Variants in RAB3GAP1 observed in about 807,000 individuals in gnomAD.
RAB3GAP1 encodes the protein rab3 GTPase-activating protein catalytic subunit.
Under a neutral mutation model 130.7 loss-of-function variants are expected in RAB3GAP1, and 86 were observed. That is an observed-to-expected ratio of 0.66 (90% confidence interval 0.55 to 0.79). The LOEUF (loss-of-function observed/expected upper bound fraction) is 0.79, where lower values mean the gene tolerates loss of function less well. RAB3GAP1 is among the 30% of genes least tolerant of loss of function. RAB3GAP1 has a pLI of 0.00. For missense variants in RAB3GAP1, 1,029 were observed against 1,169.4 expected, an observed-to-expected ratio of 0.88 and a Z score of 1.75; for synonymous variants, 367 against 401.7, an observed-to-expected ratio of 0.91 and a Z score of 1.03.
In RAB3GAP1 at chr2:135,149,869, G is replaced by A. The variant is rs143870369; in HGVS notation, c.1924-500G>A. ...AGACAGGGTTTCACCGTGTTAGCCA[G>A]GATGGTCTCGATCTCCTGACCTCAT... On this transcript the variant is annotated intron_variant, in intron 17 of 23. Transcript: ENST00000264158. Among the ~76,000 whole-genome samples, 443 of 152,242 alleles carry A rather than the reference G, an allele frequency of 2.9e-3. 2 individuals carry two copies. Among genetic ancestry groups the A allele is most frequent in the African/African-American group, 0.01 (419 of 41,550 alleles).
At position 135,052,294 on chromosome 2, in the gene RAB3GAP1, C is replaced by T. The variant is rs775928638; in HGVS notation, c.-14C>T. 6.2e-6 allele frequency: 10 copies of T among 1,613,182 alleles called. No individual in the cohort carries two copies. ...TTCCCGGCAGCCTTAGCGCCAGGCC[C>T]GGCGCTCCTCAAGATGGCTGCCGAC... On this transcript the variant is annotated 5_prime_UTR_variant, in exon 1 of 24. Coordinates refer to ENST00000264158, the MANE Select transcript of RAB3GAP1 (RefSeq NM_012233.3).
rs186123631 is a variant in RAB3GAP1, at chr2:135,055,714, G to A, written c.75-2297G>A. 2.7e-3 allele frequency among the ~76,000 whole-genome samples: 410 copies of A among 149,458 alleles called. 1 individual carries two copies. Among genetic ancestry groups the A allele is most frequent in the African/African-American group, 8.9e-3 (363 of 40,654 alleles). ...AAAAAAAGACATTTCTTCTTTTACTGTAAAAACTATATTTTAAATAGTTTT... is the reference window on the plus strand; with the variant it reads ...AAAAAAAGACATTTCTTCTTTTACTATAAAAACTATATTTTAAATAGTTTT... On this transcript the variant is annotated intron_variant, in intron 2 of 23. Coordinates refer to ENST00000264158, the MANE Select transcript of RAB3GAP1 (RefSeq NM_012233.3).
chr2:135,101,997 C>G (rs762067108), intron 5 of RAB3GAP1, among the ~76,000 whole-genome samples: 10 of 152,086 alleles, frequency 6.6e-5, no homozygotes, highest in Admixed American at 3.3e-4. Flanking sequence ...GATAATGAAC[C>G]CTGCTAGCCC....
chr2:135,120,708 G>C (rs1691171378), intron 7 of RAB3GAP1, 111 bp from the exon 8 acceptor site: 6 of 819,794 alleles, frequency 7.3e-6, no homozygotes. Flanking sequence ...GAAAATCCAG[G>C]TTTCATAAAG....
At chr2:135,080,034 G>A (rs925544508) in intron 3 of RAB3GAP1, among the ~76,000 whole-genome samples, 1 of 150,088 alleles carries the variant, frequency 6.7e-6, no homozygotes, top group African/African-American at 2.5e-5. Flanking sequence ...GGAGAATGGC[G>A]TGAACCCGGA....
intron 5 of RAB3GAP1, among the ~76,000 whole-genome samples, chr2:135,107,614 A>G (rs1219932461): frequency 3.3e-5 from 5 of 152,220 alleles, no homozygotes; most frequent in African/African-American, 4.8e-5. Context: ...TAACTTTTTT[A>G]TACCATTTTT....
chr2:135,071,240 A>G (rs980052891), intron 3 of RAB3GAP1, among the ~76,000 whole-genome samples: 2 of 152,284 alleles, frequency 1.3e-5, no homozygotes, highest in East Asian at 1.9e-4. Context: ...AAATGCTCCA[A>G]AATTACCCAC....
chr2:135,170,449 A>T lies in RAB3GAP1; in HGVS notation c.*1668A>T, dbSNP rs2105011393. 6.6e-6 allele frequency: 1 copy of T among 152,270 alleles called. No homozygotes were observed. Among genetic ancestry groups the T allele is most frequent in the East Asian group, 1.9e-4 (1 of 5,182 alleles). The allele number at this position is 152,270 out of a possible 1,614,324, so 9.4% of individuals were successfully genotyped here. A position where few individuals can be genotyped will look rare whatever the true frequency, so the allele number is the denominator to read the frequency against. On this transcript the variant is annotated 3_prime_UTR_variant, in exon 24 of 24. Coordinates refer to ENST00000264158, the MANE Select transcript of RAB3GAP1 (RefSeq NM_012233.3). ...TTTTAAAGTACTCCATTTTATTTTT[A>T]TGATAGTTATGTATTTATTTCACAG...
chr2:135,081,713 A>G (rs1033569923), intron 3 of RAB3GAP1, among the ~76,000 whole-genome samples: 5 of 152,132 alleles, frequency 3.3e-5, no homozygotes, highest in African/African-American at 7.2e-5. Context: ...CCAGAAATAG[A>G]TGAAATGCTC....
chr2:135,053,598 G>A (rs1442200681), intron 2 of RAB3GAP1, among the ~76,000 whole-genome samples: 1 of 152,146 alleles, frequency 6.6e-6, no homozygotes, highest in Non-Finnish European at 1.5e-5. Context: ...GGTGGCACAG[G>A]AAAATATAAA....
chr2:135,170,117 C>T lies in RAB3GAP1; in HGVS notation c.*1336C>T. On this transcript the variant is annotated 3_prime_UTR_variant, in exon 24 of 24. Coordinates refer to ENST00000264158, the MANE Select transcript of RAB3GAP1 (RefSeq NM_012233.3). ...TGCTTTTCTCTATGCTGCTGGACTT[C>T]ATTCTTACTGGTCCACGCAGATGCA... 5.9e-6 allele frequency: 1 copy of T among 168,108 alleles called. No individual in the cohort carries two copies. The highest frequency in any genetic ancestry group is 6.1e-5 in the Admixed American group (1 of 16,266). The allele number at this position is 168,108 out of a possible 1,614,324, so 10.4% of individuals were successfully genotyped here. A position where few individuals can be genotyped will look rare whatever the true frequency, so the allele number is the denominator to read the frequency against.
intron 17 of RAB3GAP1, among the ~76,000 whole-genome samples, chr2:135,139,266 C>T (rs1231520353): frequency 6.6e-6 from 1 of 152,020 alleles, no homozygotes; most frequent in Non-Finnish European, 1.5e-5. Flanking sequence ...CTTGGCTGGG[C>T]ATGGTAGCTC....
At chr2:135,053,256 G>A (rs1290881751) in intron 2 of RAB3GAP1, among the ~76,000 whole-genome samples, 3 of 152,238 alleles carry the variant, frequency 2.0e-5, no homozygotes, top group Non-Finnish European at 4.4e-5. Context: ...GTGAGCCTCC[G>A]CCCATCCTGT....
chr2:135,066,714 G>C (rs1443666242), intron 3 of RAB3GAP1, among the ~76,000 whole-genome samples: 1 of 152,142 alleles, frequency 6.6e-6, no homozygotes, highest in African/African-American at 2.4e-5. Context: ...AATCTTGGTG[G>C]TATGAGTATG....
At chr2:135,088,703 A>C (rs1465698040) in intron 3 of RAB3GAP1, among the ~76,000 whole-genome samples, 8 of 151,194 alleles carry the variant, frequency 5.3e-5, no homozygotes, top group Non-Finnish European at 1.2e-4. Flanking sequence ...AAAAAAAAAA[A>C]AAAAAGAAAG....
At chr2:135,059,138 T>C (rs1178351442) in intron 3 of RAB3GAP1, 1 of 152,124 alleles carries the variant, frequency 6.6e-6, no homozygotes, top group Admixed American at 6.5e-5. Context: ...CAAAGACTCT[T>C]GGCAATATAT....
chr2:135,099,258 T>C (rs149592944), intron 5 of RAB3GAP1, among the ~76,000 whole-genome samples: 4 of 152,330 alleles, frequency 2.6e-5, no homozygotes, highest in African/African-American at 9.6e-5. Flanking sequence ...TGTTGAATTT[T>C]GTCAAATCCT....
intron 18 of RAB3GAP1, among the ~76,000 whole-genome samples, chr2:135,152,631 G>C (rs1373640606): frequency 6.6e-6 from 1 of 152,088 alleles, no homozygotes; most frequent in African/African-American, 2.4e-5. Context: ...TTTTACATTT[G>C]TGTTGTTGAC....
chr2:135,163,608 T>G (rs186550740), intron 22 of RAB3GAP1, among the ~76,000 whole-genome samples: 10 of 152,340 alleles, frequency 6.6e-5, no homozygotes, highest in Admixed American at 6.5e-4. Context: ...ATGAAGCAAA[T>G]GATTGGGGCA....
Sources: gnomAD v4.1 joint callset for allele counts (sites outside exome capture counted in the v4.1 genomes callset) on GRCh38, gnomAD v4.1.1 for gene constraint, MANE v1.5 for transcripts, NCBI Gene and HGNC (gene_info 2026-07-23, HGNC 2026-07-21) for gene names.